The following SIRPG variants were observed in gnomAD, a reference collection of about 807,000 sequenced individuals.
The protein encoded by SIRPG is signal-regulatory protein gamma.
In SIRPG, 38 loss-of-function variants were observed where a neutral mutation model predicts 35.7. The observed-to-expected ratio is 1.06, with a 90% confidence interval of 0.82 to 1.40. The LOEUF (loss-of-function observed/expected upper bound fraction) is 1.40, where lower values mean the gene tolerates loss of function less well. Ranked by LOEUF, SIRPG falls within the 40% of genes most tolerant of loss-of-function variation. SIRPG has a pLI of 0.00. For synonymous variants in SIRPG, 215 were observed against 190.4 expected, an observed-to-expected ratio of 1.13 and a Z score of -1.06; for missense variants, 519 against 483.0, an observed-to-expected ratio of 1.07 and a Z score of -0.70.
chr20:1,649,049 C>CA lies in SIRPG; in HGVS notation c.430+2dup. 6.2e-7 allele frequency: 1 copy of CA among 1,612,302 alleles called. No individual in the cohort carries two copies. On this transcript the variant is annotated splice_region_variant and intron_variant, in intron 2 of 5. Coordinates refer to ENST00000303415, the MANE Select transcript of SIRPG (RefSeq NM_018556.4). ...GGATGAGGGAGGTCCATGTTGTACT[C>CA]ACCACCCAAAGCCATCTCAGTGCCT...
rs540734739 is a variant in SIRPG at position 1,654,647 on chromosome 20, C to G, written c.73+2995G>C. On this transcript the variant is annotated intron_variant, in intron 1 of 5. Coordinates refer to ENST00000303415, the MANE Select transcript of SIRPG (RefSeq NM_018556.4). ...GCAATACATTTTTGGATTTGAGCCC[C>G]AAAGCACAGGCAACAAAAGCAAAAA... Among the ~76,000 whole-genome samples, 35 of 152,142 alleles carry G rather than the reference C, an allele frequency of 2.3e-4. No homozygotes were observed. In the East Asian group the frequency reaches 6.6e-3, roughly 29 times the overall value.
At chr20:1,649,629 CTTTTTTTTTTT>C (rs35561366) in intron 1 of SIRPG, among the ~76,000 whole-genome samples, 1 of 75,764 alleles carries the variant, frequency 1.3e-5, no homozygotes, top group Admixed American at 1.8e-4. Flanking sequence ...CAGAGAGGTT[CTTTTTTTTTTT>C]TTTTTTTTTT....
In SIRPG at chr20:1,635,322, G is replaced by A. The variant is rs1406229858; in HGVS notation, c.1026C>T (p.Arg342=). 1 of 1,614,072 alleles carries A rather than the reference G, an allele frequency of 6.2e-7. No individual in the cohort carries two copies. Among genetic ancestry groups the A allele is most frequent in the Non-Finnish European group, 8.5e-7 (1 of 1,180,028 alleles). The change falls in exon 4 of 6, where the codon CGC becomes CGT. Residue 342 remains arginine (R), a synonymous_variant. Transcript: ENST00000303415. ...GGTGGACTGTGACCTCTAGGGCAAG[G>A]CGTTTGCTGACCGCCAGCTGCCCAT... ...KHDGQLAVSK[R]LALEVTVHQK...
chr20:1,658,884 C>G (rs1408045335), upstream of SIRPG, among the ~76,000 whole-genome samples: 2 of 152,150 alleles, frequency 1.3e-5, no homozygotes, highest in Admixed American at 6.5e-5. Flanking sequence ...TCGCTGCCAC[C>G]CTGAAATCAG....
At chr20:1,684,109 G>A in the SIRPG span, among the ~76,000 whole-genome samples, 1 of 152,168 alleles carries the variant, frequency 6.6e-6, no homozygotes, top group Non-Finnish European at 1.5e-5. Context: ...TGTACGATAT[G>A]ATTTCTAGAG....
At position 1,635,403 on chromosome 20, in the gene SIRPG, C is replaced by G. The variant is rs770814785; in HGVS notation, c.945G>C (p.Leu315=). 2.5e-6 allele frequency: 4 copies of G among 1,614,024 alleles called. No individual in the cohort carries two copies. The African/African-American group carries it at 5.3e-5, about 22-fold the overall frequency. The part of the protein sequence containing the change: ...DGTYNWTSWF[L]VNISDQRDDV... ...CATCCCTTTGGTCAGATATGTTCAC[C>G]AGGAACCAGCTTGTCCAGTTGTAGG... Residue 315 remains leucine, a synonymous_variant, in exon 4 of 6, where the codon CTG becomes CTC. Transcript: ENST00000303415.
chr20:1,671,115 G>A, the SIRPG span: 177 of 430,612 alleles, frequency 4.1e-4, no homozygotes, highest in Admixed American at 1.0e-3. Flanking sequence ...GGGAGAAGCC[G>A]TGGGACTCAC....
chr20:1,668,226 T>C, the SIRPG span, among the ~76,000 whole-genome samples: 6 of 130,412 alleles, frequency 4.6e-5, no homozygotes, highest in African/African-American at 1.7e-4. Context: ...TTTCTTTCTT[T>C]CTTTCTTTCT....
chr20:1,667,425 C>T, the SIRPG span, among the ~76,000 whole-genome samples: 3 of 152,168 alleles, frequency 2.0e-5, no homozygotes, highest in African/African-American at 7.2e-5. Context: ...TGGTTCTTGT[C>T]TTCTTAGTTT....
the SIRPG span, among the ~76,000 whole-genome samples, chr20:1,674,549 G>A: frequency 6.6e-6 from 1 of 152,192 alleles, no homozygotes. Flanking sequence ...GCCCGGAAGT[G>A]GCCCAGGCAG....
chr20:1,680,903 A>T, the SIRPG span, among the ~76,000 whole-genome samples: 1 of 152,188 alleles, frequency 6.6e-6, no homozygotes, highest in Non-Finnish European at 1.5e-5. Flanking sequence ...TATCATGGGT[A>T]TTGGTTACTG....
chr20:1,670,922 C>G, the SIRPG span: 1 of 328,674 alleles, frequency 3.0e-6, no homozygotes, highest in South Asian at 3.1e-5. Context: ...CAAAGAGGGT[C>G]CCCCTGTAAA....
chr20:1,637,177 A>AT (rs2091810521), intron 2 of SIRPG: 1 of 177,696 alleles, frequency 5.6e-6, no homozygotes. Context: ...TTTATTCCAT[A>AT]TTTTTCATTC....
At chr20:1,657,911 C>T (rs1177562119), upstream of SIRPG, 7 of 530,054 alleles carry the variant, frequency 1.3e-5, no homozygotes, top group African/African-American at 3.9e-5. Flanking sequence ...AGGAGTTAAT[C>T]GTGCTCCATT....
chr20:1,668,117 CTTTCTTTCTT>C, the SIRPG span, among the ~76,000 whole-genome samples: 1 of 151,684 alleles, frequency 6.6e-6, no homozygotes, highest in Non-Finnish European at 1.5e-5. Flanking sequence ...CACAGGAGCC[CTTTCTTTCTT>C]TTTCTTTCTC....
the SIRPG span, among the ~76,000 whole-genome samples, chr20:1,686,118 C>T: frequency 2.0e-5 from 3 of 152,182 alleles, no homozygotes; most frequent in African/African-American, 7.2e-5. Flanking sequence ...AATTATGGTG[C>T]TGGTTGAAGG....
At chr20:1,654,971 C>T (rs898517629) in intron 1 of SIRPG, among the ~76,000 whole-genome samples, 6 of 152,136 alleles carry the variant, frequency 3.9e-5, no homozygotes, top group African/African-American at 1.4e-4. Context: ...CAAATTAAAA[C>T]CGCAGTGGGC....
rs2091920732 is a variant in SIRPG, at chr20:1,649,233, G to T, written c.249C>A (p.Gly83=). 6.2e-7 allele frequency: 1 copy of T among 1,614,132 alleles called. No homozygotes were observed. Among genetic ancestry groups the T allele is most frequent in the Non-Finnish European group, 8.5e-7 (1 of 1,180,024 alleles). The change falls in exon 2 of 6, where the codon GGC becomes GGA. Residue 83 remains glycine (G), a synonymous_variant. Transcript: ENST00000303415. ...GRELIYNQKE[G]HFPRVTTVSD... ...AAACTGTTGTTACCCTGGGGAAGTG[G>T]CCTTCTTTTTGATTGTAGATTAATT...
intron 1 of SIRPG, among the ~76,000 whole-genome samples, chr20:1,656,308 C>G (rs758637670): frequency 3.9e-5 from 6 of 152,210 alleles, no homozygotes; most frequent in Non-Finnish European, 5.9e-5. Flanking sequence ...GTTCCTGCCT[C>G]TGCCTCACTC....
Sources: gnomAD v4.1 joint callset for allele counts (sites outside exome capture counted in the v4.1 genomes callset) on GRCh38, gnomAD v4.1.1 for gene constraint, MANE v1.5 for transcripts, NCBI Gene and HGNC (gene_info 2026-07-23, HGNC 2026-07-21) for gene names.